The following LRRC20 variants were observed in gnomAD, a reference collection of about 807,000 sequenced individuals.
The protein encoded by LRRC20 is leucine-rich repeat-containing protein 20.
In LRRC20, 11 loss-of-function variants were observed where a neutral mutation model predicts 14.4. The ratio of observed to expected loss-of-function variants is 0.77; its 90% confidence interval spans 0.48 to 1.27. The LOEUF is 1.27. Among genes scored for constraint, LRRC20 ranks in the 50% most tolerant of loss-of-function variants. The pLI is 0.00. For synonymous variants in LRRC20, 121 were observed against 107.3 expected (o/e 1.13, Z -0.79); for missense variants, 219 against 251.2 (o/e 0.87, Z 0.87).
intron 4 of LRRC20, among the ~76,000 whole-genome samples, chr10:70,308,213 G>A (rs112336201): frequency 1.3e-5 from 2 of 152,222 alleles, no homozygotes; most frequent in Admixed American, 6.5e-5. Context: ...ATAGGCCATT[G>A]ACAAGAAGCT....
intron 4 of LRRC20, among the ~76,000 whole-genome samples, 154 bp from the exon 5 acceptor site, chr10:70,301,662 G>A (rs969857347): frequency 6.6e-6 from 1 of 152,196 alleles, no homozygotes; most frequent in African/African-American, 2.4e-5. Flanking sequence ...CCAGCCCTGT[G>A]CAAAGGGCCA....
At chr10:70,323,766 A>G in intron 4 of LRRC20, 97 bp downstream of exon 4, 1 of 1,381,474 alleles carries the variant, frequency 7.2e-7, no homozygotes, top group Non-Finnish European at 1.0e-6. Flanking sequence ...AGAAAGCCCA[A>G]GCTTCTCCTC....
chr10:70,329,116 C>T (rs1310539435), intron 3 of LRRC20, among the ~76,000 whole-genome samples: 1 of 152,206 alleles, frequency 6.6e-6, no homozygotes, highest in Non-Finnish European at 1.5e-5. Flanking sequence ...AAATATTACT[C>T]AGCACCTACC....
chr10:70,337,715 C>G (rs576186924), intron 3 of LRRC20, among the ~76,000 whole-genome samples: 5 of 152,196 alleles, frequency 3.3e-5, no homozygotes, highest in Non-Finnish European at 7.3e-5. Flanking sequence ...CTCTTCCCAG[C>G]AGTCCCTTCC....
At position 70,337,808 on chromosome 10, in the gene LRRC20, C is replaced by G. The variant is rs1441880759; in HGVS notation, c.232+2745G>C. Among the ~76,000 whole-genome samples, 3 of 152,204 alleles carry G rather than the reference C, an allele frequency of 2.0e-5. No individual in the cohort carries two copies. The East Asian group carries it at 5.8e-4, about 29-fold the overall frequency. On this transcript the variant is annotated intron_variant, in intron 3 of 4. Transcript: ENST00000446961. ...ACCCTGGTCTCCTCAGGGGGAGACC[C>G]TGGTGGATTGGCCTTTGTTTCTGGG...
chr10:70,301,788 G>A (rs1841198443), intron 4 of LRRC20, among the ~76,000 whole-genome samples: 1 of 152,150 alleles, frequency 6.6e-6, no homozygotes, highest in Non-Finnish European at 1.5e-5. Flanking sequence ...TTTACTCCTA[G>A]GTAGAACTGA....
At chr10:70,361,037 G>C (rs540972362) in intron 2 of LRRC20, among the ~76,000 whole-genome samples, 2 of 143,956 alleles carry the variant, frequency 1.4e-5, no homozygotes, top group Non-Finnish European at 3.0e-5. Flanking sequence ...GACAGAGTGA[G>C]ACCCCATCTC....
At chr10:70,367,119 GT>G (rs1844032166) in intron 2 of LRRC20, among the ~76,000 whole-genome samples, 1 of 152,018 alleles carries the variant, frequency 6.6e-6, no homozygotes, top group African/African-American at 2.4e-5. Context: ...GAGCCCAGGA[GT>G]TTGAGACCAG....
intron 2 of LRRC20, among the ~76,000 whole-genome samples, chr10:70,367,497 A>G (rs189993900): frequency 6.6e-6 from 1 of 152,302 alleles, no homozygotes; most frequent in Admixed American, 6.5e-5. Flanking sequence ...GAACACCCAC[A>G]CCATGTAAAG....
chr10:70,357,906 G>T (rs1332026969), intron 2 of LRRC20, among the ~76,000 whole-genome samples: 1 of 152,240 alleles, frequency 6.6e-6, no homozygotes, highest in Non-Finnish European at 1.5e-5. Flanking sequence ...GGTCCGAGTG[G>T]AGGAGGCCAC....
intron 2 of LRRC20, among the ~76,000 whole-genome samples, chr10:70,364,917 C>G (rs995786426): frequency 1.3e-5 from 2 of 152,314 alleles, no homozygotes; most frequent in East Asian, 3.9e-4. Context: ...GCCCCTGCCC[C>G]ACCCCGCAGC....
At chr10:70,345,910 ATCACT>A (rs1843057399) in intron 2 of LRRC20, among the ~76,000 whole-genome samples, 1 of 152,108 alleles carries the variant, frequency 6.6e-6, no homozygotes, top group Admixed American at 6.5e-5. Context: ...AGGTTGGAGG[ATCACT>A]TGAGGCCAGT....
chr10:70,369,827 C>T (rs1429118353), intron 2 of LRRC20, among the ~76,000 whole-genome samples: 2 of 151,812 alleles, frequency 1.3e-5, no homozygotes, highest in Non-Finnish European at 2.9e-5. Context: ...GAATCTGAAT[C>T]CCAGCACTTT....
chr10:70,344,656 T>C (rs1843016180), intron 2 of LRRC20, among the ~76,000 whole-genome samples: 1 of 152,142 alleles, frequency 6.6e-6, no homozygotes, highest in African/African-American at 2.4e-5. Context: ...AGCCTCGAAC[T>C]CCTGGGCTTA....
At chr10:70,328,487 G>C (rs1340174551) in intron 3 of LRRC20, among the ~76,000 whole-genome samples, 1 of 152,166 alleles carries the variant, frequency 6.6e-6, no homozygotes, top group Non-Finnish European at 1.5e-5. Context: ...ACGAGAGACA[G>C]GGTTTTGCCA....
intron 4 of LRRC20, among the ~76,000 whole-genome samples, chr10:70,311,689 G>A (rs1156523994): frequency 6.6e-6 from 1 of 152,122 alleles, no homozygotes; most frequent in African/African-American, 2.4e-5. Flanking sequence ...GCCCTCAAGT[G>A]TGTGGGCTTC....
Position 70,328,548 on chromosome 10 carries a change from C to T in LRRC20, c.233-4518G>A, listed in dbSNP as rs953630722. Among the ~76,000 whole-genome samples, 115 of 152,200 alleles carry T rather than the reference C, an allele frequency of 7.6e-4. 12 individuals are homozygous for T. Among genetic ancestry groups the T allele is most frequent in the African/African-American group, 7.2e-5 (3 of 41,452 alleles). On this transcript the variant is annotated intron_variant, in intron 3 of 4. Coordinates refer to ENST00000446961, the MANE Select transcript of LRRC20 (RefSeq NM_001278212.2). ...CTGACCACAGGTGATACACCCGCCTCGGCCTTCCAAAGTGCTAGGATTACA... is the reference window on the plus strand; with the variant it reads ...CTGACCACAGGTGATACACCCGCCTTGGCCTTCCAAAGTGCTAGGATTACA...
At chr10:70,305,904 C>A (rs1361596859) in intron 4 of LRRC20, among the ~76,000 whole-genome samples, 1 of 152,062 alleles carries the variant, frequency 6.6e-6, no homozygotes, top group African/African-American at 2.4e-5. Context: ...CCACGCCCGG[C>A]TAATTTTTTA....
In LRRC20 at chr10:70,299,794, T is replaced by C. The variant is rs949506739; in HGVS notation, c.*1560A>G. 6.6e-6 allele frequency: 1 copy of C among 152,122 alleles called. No individual in the cohort carries two copies. 9.4% of individuals were successfully genotyped at this position (152,122 alleles called of 1,614,324 possible). On this transcript the variant is annotated 3_prime_UTR_variant, in exon 5 of 5. Coordinates refer to ENST00000446961, the MANE Select transcript of LRRC20 (RefSeq NM_001278212.2). ...CATCCTGAAAACCCTTTGCCCAGAG[T>C]TTGACCAACCAGGCCTTGGGATACG... is the stretch of plus-strand genomic sequence containing the variant.
Sources: gnomAD v4.1 joint callset for allele counts (sites outside exome capture counted in the v4.1 genomes callset) on GRCh38, gnomAD v4.1.1 for gene constraint, MANE v1.5 for transcripts, NCBI Gene and HGNC (gene_info 2026-07-23, HGNC 2026-07-21) for gene names.